The following IFT74 variants were observed in gnomAD, a reference collection of about 807,000 sequenced individuals.
IFT74 encodes intraflagellar transport 74.
IFT74 carries 92 observed loss-of-function variants against 96.7 expected under a neutral mutation model. That is an observed-to-expected ratio of 0.95 (90% CI 0.80 to 1.13). The LOEUF is 1.13. Ranked by LOEUF, IFT74 falls within the 50% of genes most tolerant of loss-of-function variation. The probability of loss-of-function intolerance (pLI) is 0.00; values close to 1 mark genes in which losing one functional copy is unlikely to be tolerated. For synonymous variants in IFT74, 223 were observed against 213.2 expected, an observed-to-expected ratio of 1.05 and a Z score of -0.40; for missense variants, 811 against 698.2, an observed-to-expected ratio of 1.16 and a Z score of -1.82.
Position 27,062,683 on chromosome 9 carries a change from G to T in IFT74, c.1750G>T (p.Ala584Ser), listed in dbSNP as rs200034431. Reference sequence around the variant, plus strand: ...TAAGAAAAATGTGACCAAGCAGATTGCAGAGTACAATAAAACCATCGTGGA... The same window carrying T: ...TAAGAAAAATGTGACCAAGCAGATTTCAGAGTACAATAAAACCATCGTGGA... ...PIKKNVTKQI[A>S]EYNKTIVDAL... The change falls in exon 20 of 20, where the codon GCA becomes TCA. Residue 584 changes from alanine to serine, a missense_variant. Transcript: ENST00000380062. The T allele has an allele frequency of 3.7e-5, 59 of 1,609,832 alleles. No homozygotes were observed. Among genetic ancestry groups the T allele is most frequent in the Non-Finnish European group, 4.6e-5 (54 of 1,178,124 alleles).
chr9:27,062,569 CAATT>C (rs1820475099), intron 19 of IFT74, 45 bp from the exon 20 acceptor site: 3 of 1,014,148 alleles, frequency 3.0e-6, no homozygotes, highest in Non-Finnish European at 4.5e-6. Flanking sequence ...TTCTCAGGCA[CAATT>C]AGATTTTTAT....
At chr9:27,025,671 A>G (rs1829832927) in intron 12 of IFT74, among the ~76,000 whole-genome samples, 1 of 152,104 alleles carries the variant, frequency 6.6e-6, no homozygotes, top group Non-Finnish European at 1.5e-5. Flanking sequence ...GCTAGAAGGA[A>G]TTGGAGTCCT....
chr9:27,007,556 T>C (rs1376616786), intron 8 of IFT74, among the ~76,000 whole-genome samples: 1 of 152,222 alleles, frequency 6.6e-6, no homozygotes, highest in Non-Finnish European at 1.5e-5. Context: ...TCTCCAACAG[T>C]GAAACAAAAA....
At chr9:27,033,633 A>G (rs1328391457) in intron 13 of IFT74, among the ~76,000 whole-genome samples, 1 of 151,452 alleles carries the variant, frequency 6.6e-6, no homozygotes, top group Non-Finnish European at 1.5e-5. Context: ...GACAACCATT[A>G]GCTACCCCTA....
chr9:26,988,627 A>C (rs1488174612), intron 6 of IFT74, 42 bp from the exon 7 acceptor site: 2 of 1,498,878 alleles, frequency 1.3e-6, no homozygotes, highest in African/African-American at 1.4e-5. Flanking sequence ...ATGTGTAAAG[A>C]CTAACAAAAT....
intron 13 of IFT74, among the ~76,000 whole-genome samples, chr9:27,039,680 A>C (rs1399142677): frequency 6.6e-6 from 1 of 152,192 alleles, no homozygotes; most frequent in African/African-American, 2.4e-5. Context: ...AACCATTTAC[A>C]ATATATTAGG....
At chr9:26,950,068 T>G (rs572785456) in intron 1 of IFT74, among the ~76,000 whole-genome samples, 3 of 152,138 alleles carry the variant, frequency 2.0e-5, no homozygotes, top group Non-Finnish European at 4.4e-5. Flanking sequence ...ATCCCAGCAC[T>G]TTGGGAGGCC....
At chr9:27,034,055 G>A (rs921087222) in intron 13 of IFT74, among the ~76,000 whole-genome samples, 3 of 152,052 alleles carry the variant, frequency 2.0e-5, no homozygotes, top group Non-Finnish European at 1.5e-5. Context: ...ATACACAGTA[G>A]GATTGACAAA....
Position 26,992,035 on chromosome 9 carries a change from C to CAA in IFT74, c.587+1851_587+1852dup, listed in dbSNP as rs113482452. On this transcript the variant is annotated intron_variant, in intron 8 of 19. Transcript: ENST00000380062. ...CTGGTGACAGAGCGAGACTCCGTCT[C>CAA]AAAAAAAAAAAATAGAGAAATATAT... 3.0e-3 allele frequency among the ~76,000 whole-genome samples: 395 copies of CAA among 131,396 alleles called. 4 individuals carry two copies. The highest frequency in any genetic ancestry group is 0.025 in the Admixed American group (331 of 13,246). 86.2% of individuals were successfully genotyped at this position (131,396 alleles called of 152,430 possible).
chr9:26,961,983 A>C lies in IFT74; in HGVS notation c.16A>C (p.Lys6Gln). Residue 6 changes from lysine to glutamine, a missense_variant, in exon 2 of 20, where the codon AAA becomes CAA. Coordinates refer to ENST00000380062, the MANE Select transcript of IFT74 (RefSeq NM_025103.4). MASNH[K>Q]SSAARPVSRG... ...TGAAGAAACAATGGCCAGCAATCACAAATCTTCAGCAGCTCGCCCTGTTTC... is the reference window on the plus strand; with the variant it reads ...TGAAGAAACAATGGCCAGCAATCACCAATCTTCAGCAGCTCGCCCTGTTTC... 6.2e-7 allele frequency: 1 copy of C among 1,614,214 alleles called. No individual in the cohort carries two copies. Among genetic ancestry groups the C allele is most frequent in the Non-Finnish European group, 8.5e-7 (1 of 1,180,018 alleles).
intron 8 of IFT74, chr9:26,999,516 G>T: frequency 1.1e-6 from 1 of 884,662 alleles, no homozygotes; most frequent in Non-Finnish European, 1.7e-6. Flanking sequence ...TAGTAGGTCA[G>T]ATTTTCTTTG....
intron 12 of IFT74, among the ~76,000 whole-genome samples, chr9:27,022,088 G>A (rs572510767): frequency 9.9e-5 from 15 of 152,236 alleles, no homozygotes; most frequent in Non-Finnish European, 1.5e-4. Flanking sequence ...TGAATAGGGT[G>A]TCCTTTCCCC....
intron 1 of IFT74, among the ~76,000 whole-genome samples, chr9:26,961,143 T>A (rs920565722): frequency 7.0e-6 from 1 of 143,302 alleles, no homozygotes; most frequent in African/African-American, 2.6e-5. Context: ...CAGGCTGGAG[T>A]GCAGTAGCGC....
chr9:27,056,369 C>T lies in IFT74; in HGVS notation c.1533C>T (p.His511=). ...LHQERMILST[H]RNAFKKIMEK... ...AGGAGAGAATGATATTATCAACCCA[C>T]AGAAATGCCTTTAAGAAAATAATGG... The change falls in exon 18 of 20, where the codon CAC becomes CAT. Residue 511 remains histidine (H), a synonymous_variant. Coordinates refer to ENST00000380062, the MANE Select transcript of IFT74 (RefSeq NM_025103.4). 1 of 1,592,114 alleles carries T rather than the reference C, an allele frequency of 6.3e-7. No homozygotes were observed. Among genetic ancestry groups the T allele is most frequent in the Non-Finnish European group, 8.6e-7 (1 of 1,164,904 alleles).
intron 13 of IFT74, among the ~76,000 whole-genome samples, chr9:27,037,853 A>G (rs1819273041): frequency 1.3e-5 from 2 of 152,248 alleles, no homozygotes; most frequent in African/African-American, 4.8e-5. Flanking sequence ...AATACCTGGA[A>G]GAGAACAGGG....
chr9:27,016,818 T>C, intron 10 of IFT74, 89 bp from the exon 11 acceptor site: 1 of 966,748 alleles, frequency 1.0e-6, no homozygotes, highest in Non-Finnish European at 1.5e-6. Flanking sequence ...GTAGTTTAAA[T>C]TTACCCCCAT....
intron 16 of IFT74, among the ~76,000 whole-genome samples, chr9:27,052,317 C>T (rs959114410): frequency 1.3e-5 from 2 of 152,044 alleles, no homozygotes; most frequent in Non-Finnish European, 2.9e-5. Context: ...CAAGAGCTGC[C>T]TGACCAACAT....
At chr9:26,978,831 C>G (rs776344408) in intron 3 of IFT74, among the ~76,000 whole-genome samples, 2 of 152,048 alleles carry the variant, frequency 1.3e-5, no homozygotes, top group Non-Finnish European at 2.9e-5. Flanking sequence ...TTATATTAAT[C>G]TAATTTCCTA....
chr9:27,014,114 C>G (rs930687087), intron 10 of IFT74, among the ~76,000 whole-genome samples: 1 of 152,042 alleles, frequency 6.6e-6, no homozygotes, highest in African/African-American at 2.4e-5. Context: ...GCTCGGGAGG[C>G]TGAGGCAGAA....
Sources: gnomAD v4.1 joint callset for allele counts (sites outside exome capture counted in the v4.1 genomes callset) on GRCh38, gnomAD v4.1.1 for gene constraint, MANE v1.5 for transcripts, NCBI Gene and HGNC (gene_info 2026-07-23, HGNC 2026-07-21) for gene names.